The following RUVBL1 variants were observed in gnomAD, a reference collection of about 807,000 sequenced individuals.
RUVBL1 encodes RuvB like AAA ATPase 1.
In RUVBL1, 4 loss-of-function variants were observed where a neutral mutation model predicts 52.4. That is an observed-to-expected ratio of 0.08 (90% confidence interval 0.04 to 0.17). The LOEUF (loss-of-function observed/expected upper bound fraction) is 0.17, where lower values mean the gene tolerates loss of function less well. Among genes scored for constraint, RUVBL1 ranks in the 10% least tolerant of loss-of-function variants. The pLI is 1.00. For missense variants in RUVBL1, 298 were observed against 572.8 expected, an observed-to-expected ratio of 0.52 and a Z score of 4.90; for synonymous variants, 217 against 214.4, an observed-to-expected ratio of 1.01 and a Z score of -0.10.
At chr3:128,105,324 G>A (rs1943207070) in intron 3 of RUVBL1, among the ~76,000 whole-genome samples, 5 of 151,788 alleles carry the variant, frequency 3.3e-5, no homozygotes, top group Admixed American at 3.3e-4. Context: ...GTTTCACCAT[G>A]TTAGCCAGGA....
chr3:128,131,264 G>A (rs1943872422), intron 1 of RUVBL1, among the ~76,000 whole-genome samples: 1 of 152,160 alleles, frequency 6.6e-6, no homozygotes, highest in Non-Finnish European at 1.5e-5. Context: ...CACTTTGGGA[G>A]GCCAAGGAGG....
upstream of RUVBL1, among the ~76,000 whole-genome samples, chr3:128,125,859 CT>C (rs1399221596): frequency 6.6e-6 from 1 of 152,204 alleles, no homozygotes; most frequent in Non-Finnish European, 1.5e-5. Context: ...GAGAAGGAAA[CT>C]TTTCCACCAA....
chr3:128,118,538 C>T (rs1017763111), intron 2 of RUVBL1, among the ~76,000 whole-genome samples: 10 of 152,214 alleles, frequency 6.6e-5, no homozygotes, highest in Admixed American at 1.3e-4. Flanking sequence ...TACTTGCCCA[C>T]ATCAAGCGGC....
intron 1 of RUVBL1, among the ~76,000 whole-genome samples, chr3:128,146,628 G>A (rs1944108292): frequency 6.6e-6 from 1 of 150,386 alleles, no homozygotes; most frequent in South Asian, 2.1e-4. Flanking sequence ...ACGTCTGTGT[G>A]TGCGTGCATG....
At chr3:128,085,901 C>A (rs531554917) in intron 9 of RUVBL1, among the ~76,000 whole-genome samples, 5 of 152,334 alleles carry the variant, frequency 3.3e-5, no homozygotes, top group African/African-American at 1.2e-4. Flanking sequence ...ATTAAGAACA[C>A]GGGTTTCCGG....
chr3:128,064,983 C>T, exon 10 of RUVBL1: 1 of 1,614,238 alleles, frequency 6.2e-7, no homozygotes, highest in Non-Finnish European at 8.5e-7. Context: ...ATCTTCCCAA[C>T]CTCATGAATC....
chr3:128,096,633 T>C lies in RUVBL1; in HGVS notation c.1016+667A>G, dbSNP rs888158670. 8.5e-5 allele frequency among the ~76,000 whole-genome samples: 13 copies of C among 152,232 alleles called. No homozygotes were observed. In the East Asian group the frequency reaches 2.3e-3, roughly 27 times the overall value. On this transcript the variant is annotated intron_variant, in intron 8 of 10. Coordinates refer to ENST00000322623, the MANE Select transcript of RUVBL1 (RefSeq NM_003707.3). ...CGAGGTCAGGAGATCAAGACCATCT[T>C]GGCTAACACGGTGAAACCCTGTCTC...
Position 128,067,088 on chromosome 3 carries a change from C to A in RUVBL1, c.940-1868G>T, listed in dbSNP as rs1313804776. ...CCCTGGTGTCCAACCTTTATGTCAT[C>A]TCCCAAATGCTCTCAGCTCGCTTCA... On this transcript the variant is annotated intron_variant, in intron 9 of 9. Transcript: ENST00000464873. This position sits in a 1 kb window ranked among gnomAD's most constrained non-coding sequence, Gnocchi z 4.1. The A allele has an allele frequency of 1.2e-6, 2 of 1,614,088 alleles. No homozygotes were observed. The highest frequency in any genetic ancestry group is 3.3e-5 in the Admixed American group (2 of 60,016).
At chr3:128,121,628 T>C (rs975529974) in intron 1 of RUVBL1, among the ~76,000 whole-genome samples, 23 of 149,540 alleles carry the variant, frequency 1.5e-4, no homozygotes, top group African/African-American at 4.9e-4. Flanking sequence ...GAGAATCGCT[T>C]GAACCCAGGA....
chr3:128,121,439 G>A (rs1241689676), intron 1 of RUVBL1, among the ~76,000 whole-genome samples: 1 of 150,814 alleles, frequency 6.6e-6, no homozygotes, highest in African/African-American at 2.4e-5. Flanking sequence ...AGCCAGGCGC[G>A]TTGGCTCATG....
chr3:128,105,837 T>TTTTC (rs1182120195), intron 3 of RUVBL1, among the ~76,000 whole-genome samples: 60 of 151,414 alleles, frequency 4.0e-4, no homozygotes, highest in Non-Finnish European at 6.3e-4. Flanking sequence ...TGCTCTACAA[T>TTTTC]TTTCTTTCTT....
intron 1 of RUVBL1, among the ~76,000 whole-genome samples, chr3:128,142,272 A>G (rs575316305): frequency 1.3e-5 from 2 of 152,304 alleles, no homozygotes; most frequent in South Asian, 4.1e-4. Flanking sequence ...TCAGAGGTCA[A>G]TCAGGGTAGG....
At chr3:128,103,831 T>C (rs1943163755) in intron 4 of RUVBL1, among the ~76,000 whole-genome samples, 2 of 152,234 alleles carry the variant, frequency 1.3e-5, no homozygotes, top group African/African-American at 4.8e-5. Context: ...AATAAATGTT[T>C]GTTGAAGCAC....
chr3:128,118,422 T>C (rs1000978354), intron 2 of RUVBL1, among the ~76,000 whole-genome samples: 7 of 152,242 alleles, frequency 4.6e-5, no homozygotes, highest in Admixed American at 3.9e-4. Flanking sequence ...AGGTAGAGTA[T>C]GCTTTTGCTT....
At chr3:128,116,894 T>A (rs1943535442) in intron 2 of RUVBL1, among the ~76,000 whole-genome samples, 1 of 152,192 alleles carries the variant, frequency 6.6e-6, no homozygotes, top group Admixed American at 6.5e-5. Context: ...ATTAATTAAT[T>A]TAATTTTTAA....
chr3:128,066,758 C>T lies in RUVBL1; in HGVS notation c.940-1538G>A, dbSNP rs11714729. 54,248 of 589,888 alleles carry T rather than the reference C, an allele frequency of 0.092. 2,872 individuals are homozygous for T. The highest frequency in any genetic ancestry group is 0.12 in the Non-Finnish European group (38,594 of 330,640). 36.5% of individuals were successfully genotyped at this position (589,888 alleles called of 1,614,324 possible). A position where few individuals can be genotyped will look rare whatever the true frequency, so the allele number is the denominator to read the frequency against. The stretch of plus-strand genomic sequence containing the variant: ...TTTTTAAACCAGCTTTTCTGGGCCC[C>T]TTCTGGATGTGCCAAGTGCAGGAGT... On this transcript the variant is annotated intron_variant, in intron 9 of 9. Transcript: ENST00000464873.
Position 128,123,711 on chromosome 3 carries a change from T to G in RUVBL1, c.14A>C (p.Glu5Ala). ...CTGCGTCTTCGTAGTGCTCTTCACC[T>G]CCTCAATCTTCATTTTGCAGACGCC... MKIE[E>A]VKSTTKTQRI... is the part of the protein sequence containing the mutation. The change falls in exon 1 of 11, where the codon GAG (glutamate) becomes GCG (alanine). Residue 5 changes from glutamate (E) to alanine (A), a missense_variant. Glu to Ala is a moderately radical substitution (Grantham distance 107). This residue lies in a region of RUVBL1 where 71 missense variants were observed against 125.7 expected (regional missense o/e 0.57). Coordinates refer to ENST00000322623, the MANE Select transcript of RUVBL1 (RefSeq NM_003707.3). 6.2e-7 allele frequency: 1 copy of G among 1,601,714 alleles called. No individual in the cohort carries two copies. The highest frequency in any genetic ancestry group is 8.5e-7 in the Non-Finnish European group (1 of 1,171,574).
At chr3:128,077,504 C>A (rs962368706), downstream of RUVBL1, among the ~76,000 whole-genome samples, 1 of 152,240 alleles carries the variant, frequency 6.6e-6, no homozygotes, top group African/African-American at 2.4e-5. Context: ...TTCCCAGACA[C>A]CAAATGAGAG....
rs111668099 is a variant in RUVBL1 at position 128,104,866 on chromosome 3, C to T, written c.420G>A (p.Pro140=). ...VYEGEVTELT[P]CETENPMGGY... ...CTCCCATGGGATTCTCTGTCTCACA[C>T]GGAGTTAGCTCTGTGACTTCACCTT... is the stretch of plus-strand genomic sequence containing the variant. Residue 140 remains proline, a synonymous_variant, in exon 4 of 11, where the codon CCG becomes CCA. Coordinates refer to ENST00000322623, the MANE Select transcript of RUVBL1 (RefSeq NM_003707.3). The T allele has an allele frequency of 9.2e-5, 149 of 1,613,538 alleles. No individual in the cohort carries two copies. Among genetic ancestry groups the T allele is most frequent in the Admixed American group, 6.3e-4 (38 of 60,024 alleles).
Sources: allele counts gnomAD v4.1 joint callset (sites outside exome capture counted in the v4.1 genomes callset), GRCh38; gene constraint gnomAD v4.1.1; regional missense constraint gnomAD v4.1.1; non-coding constraint Gnocchi (gnomAD v3.1); transcripts MANE v1.5; gene names NCBI Gene and HGNC (gene_info 2026-07-23, HGNC 2026-07-21).